The following SVEP1 variants were observed in gnomAD, a reference collection of about 807,000 sequenced individuals.
SVEP1 encodes sushi, von Willebrand factor type A, EGF and pentraxin domain-containing protein 1.
SVEP1 carries 164 observed loss-of-function variants against 367.3 expected under a neutral mutation model. The ratio of observed to expected loss-of-function variants is 0.45; its 90% CI spans 0.39 to 0.51. The LOEUF (loss-of-function observed/expected upper bound fraction) is 0.51, where lower values mean the gene tolerates loss of function less well. Among genes scored for constraint, SVEP1 ranks in the 20% least tolerant of loss-of-function variants. The pLI, the probability that SVEP1 is intolerant of heterozygous loss-of-function variation, is 0.00. For missense variants in SVEP1, 4,117 were observed against 4,425.3 expected (o/e 0.93, Z 1.98); for synonymous variants, 1,666 against 1,611.6 (o/e 1.03, Z -0.81).
Position 110,434,481 on chromosome 9 carries a change from C to A in SVEP1, c.4914G>T (p.Val1638=). 1 of 1,613,256 alleles carries A rather than the reference C, an allele frequency of 6.2e-7. No homozygotes were observed. Among genetic ancestry groups the A allele is most frequent in the Non-Finnish European group, 8.5e-7 (1 of 1,179,674 alleles). The change falls in exon 30 of 48, where the codon GTG becomes GTT. Residue 1638 remains valine (V), a synonymous_variant. Transcript: ENST00000374469. ...CTTCAGATGCAGTTCTCAGATGAGG[C>A]ACTGACCCTCCTAAGCGTGGGCAAT... The part of the protein sequence containing the change: ...CSDCPRLGGS[V]PHLRTASEDL...
At position 110,406,703 on chromosome 9, in the gene SVEP1, A is replaced by G; in HGVS notation, c.8897T>C (p.Ile2966Thr). 6.2e-7 allele frequency: 1 copy of G among 1,614,046 alleles called. No homozygotes were observed. The change falls in exon 38 of 48, where the codon ATT (isoleucine) becomes ACT (threonine). Residue 2966 changes from isoleucine (I) to threonine (T), a missense_variant. Coordinates refer to ENST00000374469, the MANE Select transcript of SVEP1 (RefSeq NM_153366.4). Reference protein sequence around the residue: ...AHGFPNGFSFIHGGHIQYQCF... With the variant: ...AHGFPNGFSFTHGGHIQYQCF... ...CTGATACTGTATATGGCCCCCATGA[A>G]TAAAGGAAAAACCATTAGGGAAACC...
chr9:110,405,390 A>G (rs1440570582), intron 38 of SVEP1, among the ~76,000 whole-genome samples: 1 of 151,498 alleles, frequency 6.6e-6, no homozygotes, highest in African/African-American at 2.4e-5. Context: ...ACCTACATGG[A>G]CTCAGATACT....
rs1827188774 is a variant in SVEP1 at position 110,365,685 on chromosome 9, G to A, written c.*854C>T. On this transcript the variant is annotated 3_prime_UTR_variant, in exon 48 of 48. Transcript: ENST00000374469. ...GACCAGGAGCACAGCTCTGGGGAATGTTTCCCATTTGCCTTTTTCCTTCTC... is the reference window on the plus strand; with the variant it reads ...GACCAGGAGCACAGCTCTGGGGAATATTTCCCATTTGCCTTTTTCCTTCTC... 1.3e-5 allele frequency: 2 copies of A among 152,212 alleles called. No individual in the cohort carries two copies. The highest frequency in any genetic ancestry group is 4.8e-5 in the African/African-American group (2 of 41,424). 9.4% of individuals were successfully genotyped at this position (152,212 alleles called of 1,614,324 possible).
At chr9:110,454,796 G>C (rs1390306849) in intron 22 of SVEP1, among the ~76,000 whole-genome samples, 2 of 152,132 alleles carry the variant, frequency 1.3e-5, no homozygotes, top group African/African-American at 4.8e-5. Flanking sequence ...ATAGATGCTG[G>C]ATACTATTAG....
chr9:110,566,651 A>G (rs1830497779), intron 1 of SVEP1, among the ~76,000 whole-genome samples: 1 of 152,196 alleles, frequency 6.6e-6, no homozygotes, highest in Admixed American at 6.5e-5. Flanking sequence ...ACCAATAACC[A>G]CACAACTCCA....
chr9:110,460,904 G>A (rs1293457058), intron 18 of SVEP1, among the ~76,000 whole-genome samples: 1 of 152,032 alleles, frequency 6.6e-6, no homozygotes, highest in Non-Finnish European at 1.5e-5. Flanking sequence ...AACTTATACT[G>A]CTTGTGAATT....
intron 14 of SVEP1, among the ~76,000 whole-genome samples, chr9:110,474,150 G>A (rs1211845317): frequency 4.6e-5 from 7 of 152,040 alleles, no homozygotes; most frequent in Non-Finnish European, 8.8e-5. Context: ...ACAAGCACGT[G>A]CCACCATGCT....
rs750122389 is a variant in SVEP1 at position 110,499,270 on chromosome 9, G to A, written c.1484-32C>T. On this transcript the variant is annotated intron_variant, in intron 6 of 47. Coordinates refer to ENST00000374469, the MANE Select transcript of SVEP1 (RefSeq NM_153366.4). ...TAGGGAAACAGAGAGAATGTTATTTGTGTTCCCACAAATTGGAAATGCCAT... is the reference window on the plus strand; with the variant it reads ...TAGGGAAACAGAGAGAATGTTATTTATGTTCCCACAAATTGGAAATGCCAT... 3 of 1,571,100 alleles carry A rather than the reference G, an allele frequency of 1.9e-6. No homozygotes were observed. The Admixed American group carries it at 5.5e-5, about 29-fold the overall frequency.
chr9:110,423,167 G>GAAA (rs1491397277), intron 36 of SVEP1, among the ~76,000 whole-genome samples: 1 of 66,988 alleles, frequency 1.5e-5, no homozygotes, highest in African/African-American at 7.3e-5. Context: ...AAAAAATAAA[G>GAAA]TAAAAAAAAA....
rs544150978 is a variant in SVEP1 at position 110,406,773 on chromosome 9, G to A, written c.8827C>T (p.Leu2943Phe). ...SDGNWDAEIP[L>F]CKPVNCGPPE... ...GGTCCACAGTTGACTGGTTTACAGAGAGGAATCTCTGCATCCCAGTTGCCA... is the reference window on the plus strand; with the variant it reads ...GGTCCACAGTTGACTGGTTTACAGAAAGGAATCTCTGCATCCCAGTTGCCA... The change falls in exon 38 of 48, where the codon CTC (leucine) becomes TTC (phenylalanine). Residue 2943 changes from leucine to phenylalanine, a missense_variant. This residue lies in a region of SVEP1 where 1,765 missense variants were observed against 1,781.1 expected (regional missense o/e 0.99). Coordinates refer to ENST00000374469, the MANE Select transcript of SVEP1 (RefSeq NM_153366.4). 13 of 1,613,936 alleles carry A rather than the reference G, an allele frequency of 8.1e-6. No homozygotes were observed. The highest frequency in any genetic ancestry group is 4.5e-5 in the East Asian group (2 of 44,898).
chr9:110,513,842 A>G (rs1244259659), intron 4 of SVEP1, 106 bp downstream of exon 4: 1 of 1,307,160 alleles, frequency 7.7e-7, no homozygotes, highest in Admixed American at 2.7e-5. Context: ...ATTAGAGAAA[A>G]GAACATTAAA....
rs1830667007 is a variant in SVEP1, at chr9:110,579,435, C to G, written c.109G>C (p.Glu37Gln). ...CTCCCGGGGGCCCCGGGCGCGGTCT[C>G]GGGGAAGAGGCGGAAGCTGAAATTG... ...SRNFSFRLFP[E>Q]TAPGAPGSIP... is the part of the protein sequence containing the mutation. The change falls in exon 1 of 48, where the codon GAG becomes CAG. Residue 37 changes from glutamate (E) to glutamine (Q), a missense_variant. By Grantham distance (29) the Glu-to-Gln change is conservative (BLOSUM62 2). Transcript: ENST00000374469. This position sits in a 1 kb window ranked among gnomAD's most constrained non-coding sequence, Gnocchi z 5.3. 6.3e-7 allele frequency: 1 copy of G among 1,591,850 alleles called. No homozygotes were observed. Among genetic ancestry groups the G allele is most frequent in the Non-Finnish European group, 8.5e-7 (1 of 1,170,260 alleles).
In SVEP1 at chr9:110,566,629, T is replaced by C. The variant is rs572925959; in HGVS notation, c.531+12384A>G. 9.8e-5 allele frequency among the ~76,000 whole-genome samples: 15 copies of C among 152,292 alleles called. No individual in the cohort carries two copies. The South Asian group carries it at 3.1e-3, about 32-fold the overall frequency. On this transcript the variant is annotated intron_variant, in intron 1 of 47. Transcript: ENST00000374469. ...GGTAGGACATGGGATTAGGGAAAAC[T>C]GTGACTCTATAACCAATAACCACAC...
Position 110,411,290 on chromosome 9 carries a change from A to G in SVEP1, c.6421T>C (p.Cys2141Arg), listed in dbSNP as rs1231493097. Reference sequence around the variant, plus strand: ...GGCTCTCCACACCGCACAGGGATGCACTGGATGGACATGGGGGAAGGGTTC... The same window carrying G: ...GGCTCTCCACACCGCACAGGGATGCGCTGGATGGACATGGGGGAAGGGTTC... ...QWNPSPMSIQ[C>R]IPVRCGEPPS... The change falls in exon 37 of 48, where the codon TGC (cysteine) becomes CGC (arginine). Residue 2141 changes from cysteine (C) to arginine (R), a missense_variant. By Grantham distance (180) the Cys-to-Arg change is radical. Coordinates refer to ENST00000374469, the MANE Select transcript of SVEP1 (RefSeq NM_153366.4). 6.2e-7 allele frequency: 1 copy of G among 1,614,034 alleles called. No homozygotes were observed. Among genetic ancestry groups the G allele is most frequent in the Non-Finnish European group, 8.5e-7 (1 of 1,179,898 alleles).
At chr9:110,559,858 CATA>C (rs1564176534) in intron 1 of SVEP1, among the ~76,000 whole-genome samples, 1 of 152,060 alleles carries the variant, frequency 6.6e-6, no homozygotes, top group East Asian at 1.9e-4. Context: ...AGGGTAATCA[CATA>C]ATATTATTAC....
At chr9:110,453,897 AAG>A (rs1413320412) in intron 22 of SVEP1, among the ~76,000 whole-genome samples, 5 of 145,540 alleles carry the variant, frequency 3.4e-5, no homozygotes, top group African/African-American at 1.2e-4. Flanking sequence ...AAAAAAAAAA[AAG>A]CCATTCTGAC....
chr9:110,535,621 T>C (rs1199736640), intron 3 of SVEP1, among the ~76,000 whole-genome samples: 1 of 152,178 alleles, frequency 6.6e-6, no homozygotes, highest in Non-Finnish European at 1.5e-5. Context: ...ATAGTAATAC[T>C]GATTCTTCCT....
chr9:110,408,682 T>C lies in SVEP1; in HGVS notation c.6918A>G (p.Lys2306=), dbSNP rs1363242800. Residue 2306 remains lysine, a synonymous_variant, in exon 38 of 48, where the codon AAA becomes AAG. Coordinates refer to ENST00000374469, the MANE Select transcript of SVEP1 (RefSeq NM_153366.4). ...LVGDSSWTCQ[K]SGKWNKKSNP... ...TTGACTTCTTATTCCATTTGCCAGA[T>C]TTCTGACATGTCCAAGAACTGTCAC... 6.2e-7 allele frequency: 1 copy of C among 1,613,890 alleles called. No individual in the cohort carries two copies. The highest frequency in any genetic ancestry group is 1.7e-5 in the Admixed American group (1 of 60,010).
chr9:110,434,666 T>TA (rs71371668), intron 29 of SVEP1, among the ~76,000 whole-genome samples, 160 bp from the exon 30 acceptor site: 725 of 40,620 alleles, frequency 0.018, 82 homozygotes, highest in Admixed American at 0.089. Flanking sequence ...GCAAAATCAC[T>TA]AAAAAAAAAA....
Sources: gnomAD v4.1 joint callset for allele counts (sites outside exome capture counted in the v4.1 genomes callset) on GRCh38, gnomAD v4.1.1 for gene constraint, gnomAD v4.1.1 regional missense constraint, Gnocchi (gnomAD v3.1) non-coding constraint, MANE v1.5 for transcripts, NCBI Gene and HGNC (gene_info 2026-07-23, HGNC 2026-07-21) for gene names.